The following RPS6KA2 variants were observed in gnomAD, a reference collection of about 807,000 sequenced individuals.
The protein encoded by RPS6KA2 is ribosomal protein S6 kinase A2.
Under a neutral mutation model 91.8 loss-of-function variants are expected in RPS6KA2, and 42 were observed. The ratio of observed to expected loss-of-function variants is 0.46; its 90% CI spans 0.36 to 0.59. The LOEUF is 0.59. Ranked by LOEUF, RPS6KA2 falls within the 20% of genes least tolerant of loss-of-function variation. RPS6KA2 has a pLI of 0.00. For synonymous variants in RPS6KA2, 414 were observed against 393.6 expected (o/e 1.05, Z -0.61); for missense variants, 798 against 978.5 (o/e 0.82, Z 2.46).
chr6:166,627,013 G>A lies in RPS6KA2; in HGVS notation c.7C>T (p.Leu3=), dbSNP rs752476980. ...CGCACGGCGAACTTCTTCATGCTCA[G>A]GTCCATCGCCCCGCGCCCAGCCCGG... The part of the protein sequence containing the change: MD[L]SMKKFAVRRF... The change falls in exon 1 of 21, where the codon CTG becomes TTG. Residue 3 remains leucine (L), a synonymous_variant. Transcript: ENST00000265678. 11 of 1,511,176 alleles carry A rather than the reference G, an allele frequency of 7.3e-6. No homozygotes were observed. The highest frequency in any genetic ancestry group is 3.9e-5 in the Admixed American group (2 of 50,744). The allele number at this position is 1,511,176 out of a possible 1,614,324, so 93.6% of individuals were successfully genotyped here. A position where few individuals can be genotyped will look rare whatever the true frequency, so the allele number is the denominator to read the frequency against.
At chr6:166,634,128 C>T (rs2071539493) in intron 2 of RPS6KA2, among the ~76,000 whole-genome samples, 1 of 152,192 alleles carries the variant, frequency 6.6e-6, no homozygotes, top group Admixed American at 6.5e-5. Flanking sequence ...CCAAGGACGA[C>T]AGGGACACAC....
intron 3 of RPS6KA2, among the ~76,000 whole-genome samples, chr6:166,530,203 C>T (rs1258992766): frequency 6.6e-6 from 1 of 152,230 alleles, no homozygotes; most frequent in African/African-American, 2.4e-5. Flanking sequence ...CTCAGAGCCT[C>T]ATGGGGCCCC....
chr6:166,762,054 T>C (rs375747378), intron 2 of RPS6KA2, among the ~76,000 whole-genome samples: 2 of 152,272 alleles, frequency 1.3e-5, no homozygotes, highest in East Asian at 1.9e-4. Context: ...AGAAGCAGGC[T>C]CTATCACGTG....
intron 2 of RPS6KA2, among the ~76,000 whole-genome samples, chr6:166,834,848 T>C (rs1780279762): frequency 6.6e-6 from 1 of 151,902 alleles, no homozygotes; most frequent in South Asian, 2.1e-4. Context: ...TTTATTTATT[T>C]ATTTATTTAT....
chr6:166,627,226 C>CCTCCTT lies in RPS6KA2; in HGVS notation c.-213_-208dup, dbSNP rs1272384820. ...GCCGGGGCCACAATCGCTCCCTCCG[C>CCTCCTT]CTCCTTCTCCGCCTCCCCTGCGAGT... On this transcript the variant is annotated 5_prime_UTR_variant, in exon 1 of 21. Transcript: ENST00000265678. 8.8e-6 allele frequency: 9 copies of CCTCCTT among 1,025,636 alleles called. No homozygotes were observed. Among genetic ancestry groups the CCTCCTT allele is most frequent in the Middle Eastern group, 9.3e-4 (2 of 2,162 alleles). 63.5% of individuals were successfully genotyped at this position (1,025,636 alleles called of 1,614,324 possible). A position where few individuals can be genotyped will look rare whatever the true frequency, so the allele number is the denominator to read the frequency against.
intron 2 of RPS6KA2, among the ~76,000 whole-genome samples, chr6:166,700,112 A>G (rs555340489): frequency 1.3e-5 from 2 of 152,250 alleles, no homozygotes; most frequent in African/African-American, 2.4e-5. Context: ...AGTCAAAAGC[A>G]CAAAGCATTT....
intron 3 of RPS6KA2, among the ~76,000 whole-genome samples, chr6:166,519,255 G>A (rs879922571): frequency 1.3e-4 from 20 of 152,228 alleles, no homozygotes; most frequent in African/African-American, 3.1e-4. Context: ...GGAGACTCTG[G>A]AGCCAGGCCA....
chr6:166,469,500 C>G (rs1047574491), intron 11 of RPS6KA2, among the ~76,000 whole-genome samples: 2 of 152,078 alleles, frequency 1.3e-5, no homozygotes, highest in African/African-American at 4.8e-5. Flanking sequence ...ACAGTCACTC[C>G]TGGAGCAATC....
intron 2 of RPS6KA2, among the ~76,000 whole-genome samples, chr6:166,747,737 G>A (rs566775387): frequency 1.2e-4 from 19 of 152,202 alleles, no homozygotes; most frequent in Non-Finnish European, 2.4e-4. Flanking sequence ...TGGTGTGTGC[G>A]TGGATGCTGA....
At chr6:166,740,983 A>G (rs1225303873) in intron 2 of RPS6KA2, among the ~76,000 whole-genome samples, 1 of 152,260 alleles carries the variant, frequency 6.6e-6, no homozygotes, top group Non-Finnish European at 1.5e-5. Context: ...GTATGTCACG[A>G]CACGGCTCCA....
chr6:166,684,097 AG>A (rs576851306), intron 2 of RPS6KA2, among the ~76,000 whole-genome samples: 30 of 152,296 alleles, frequency 2.0e-4, no homozygotes, highest in Non-Finnish European at 4.0e-4. Flanking sequence ...ATCAGAAAAC[AG>A]GGCCCAACCT....
intron 2 of RPS6KA2, among the ~76,000 whole-genome samples, chr6:166,845,284 G>A (rs2128630990): frequency 6.6e-6 from 1 of 152,220 alleles, no homozygotes; most frequent in Middle Eastern, 3.4e-3. Flanking sequence ...ATACTCCATG[G>A]ACAGCACTAG....
At chr6:166,551,361 G>A (rs529691365) in intron 1 of RPS6KA2, among the ~76,000 whole-genome samples, 9 of 152,314 alleles carry the variant, frequency 5.9e-5, no homozygotes, top group African/African-American at 1.7e-4. Context: ...AGATCATTCC[G>A]GATCTCCTTG....
chr6:166,602,072 C>T (rs113686274), intron 1 of RPS6KA2, among the ~76,000 whole-genome samples: 2,031 of 152,290 alleles, frequency 0.013, 49 homozygotes, highest in African/African-American at 0.046. Context: ...AGATGGGGAA[C>T]GCAAAGAGAA....
intron 2 of RPS6KA2, among the ~76,000 whole-genome samples, chr6:166,670,252 T>A (rs1788434401): frequency 6.6e-6 from 1 of 152,210 alleles, no homozygotes; most frequent in South Asian, 2.1e-4. Flanking sequence ...GGCAGCCTGG[T>A]GAGAGGTCCA....
chr6:166,618,879 G>A (rs941174641), intron 1 of RPS6KA2, among the ~76,000 whole-genome samples: 2 of 152,364 alleles, frequency 1.3e-5, no homozygotes, highest in South Asian at 2.1e-4. Flanking sequence ...TCAGGACAGA[G>A]GTCTAGACGC....
chr6:166,717,043 A>T (rs548626977), intron 2 of RPS6KA2, among the ~76,000 whole-genome samples: 2 of 152,268 alleles, frequency 1.3e-5, no homozygotes, highest in East Asian at 3.9e-4. Context: ...AGGATGGAGA[A>T]TGGGCTGCTG....
intron 1 of RPS6KA2, among the ~76,000 whole-genome samples, chr6:166,576,993 C>T (rs542782573): frequency 6.6e-6 from 1 of 152,288 alleles, no homozygotes; most frequent in East Asian, 1.9e-4. Flanking sequence ...GCCACTCCAG[C>T]TGTGACTAAA....
At chr6:166,727,967 G>A (rs530118825) in intron 2 of RPS6KA2, among the ~76,000 whole-genome samples, 17 of 152,314 alleles carry the variant, frequency 1.1e-4, no homozygotes, top group African/African-American at 3.6e-4. Context: ...AAACCAGATG[G>A]TCATGTCCAT....
Sources: allele counts gnomAD v4.1 joint callset (sites outside exome capture counted in the v4.1 genomes callset), GRCh38; gene constraint gnomAD v4.1.1; transcripts MANE v1.5; gene names NCBI Gene and HGNC (gene_info 2026-07-23, HGNC 2026-07-21).